Variants in POLR2J observed in about 807,000 individuals in gnomAD.
POLR2J encodes the protein RNA polymerase II subunit J.
A neutral mutation model predicts 13.4 loss-of-function variants in POLR2J; 12 were observed. The observed-to-expected ratio is 0.90, with a 90% CI of 0.57 to 1.45. The LOEUF (loss-of-function observed/expected upper bound fraction) is 1.45. Among genes scored for constraint, POLR2J ranks in the 40% most tolerant of loss-of-function variants. The pLI is 0.00. For synonymous variants in POLR2J, 31 were observed against 53.6 expected (o/e 0.58, Z 1.84); for missense variants, 58 against 132.0 (o/e 0.44, Z 2.75).
At chr7:102,476,480 G>C (rs1798436330) in intron 1 of POLR2J, among the ~76,000 whole-genome samples, 1 of 147,066 alleles carries the variant, frequency 6.8e-6, no homozygotes. Flanking sequence ...AAAATACAAA[G>C]AAAAAAAAAA....
intron 2 of POLR2J, among the ~76,000 whole-genome samples, chr7:102,475,161 C>A (rs531930503): frequency 3.9e-5 from 6 of 152,242 alleles, no homozygotes; most frequent in Non-Finnish European, 8.8e-5. Context: ...AGCTTGGGTG[C>A]CCCACTGGCT....
intron 1 of POLR2J, 39 bp downstream of exon 1, chr7:102,478,769 G>A (rs373768885): frequency 8.1e-6 from 13 of 1,608,990 alleles, no homozygotes; most frequent in African/African-American, 1.3e-5. Flanking sequence ...ACAGCCGCAG[G>A]CCCGCGCACC....
At chr7:102,476,787 CTTT>C (rs201298193) in intron 1 of POLR2J, among the ~76,000 whole-genome samples, 3 of 97,586 alleles carry the variant, frequency 3.1e-5, no homozygotes, top group South Asian at 8.2e-4. Flanking sequence ...TGAATTCCTC[CTTT>C]TTTTTTTCCG....
Position 102,473,354 on chromosome 7 carries a change from T to A in POLR2J, c.*295A>T. 1.8e-6 allele frequency: 1 copy of A among 565,462 alleles called. No individual in the cohort carries two copies. 35.0% of individuals were successfully genotyped at this position (565,462 alleles called of 1,614,324 possible). On this transcript the variant is annotated 3_prime_UTR_variant, in exon 4 of 4. Transcript: ENST00000292614. Reference sequence around the variant, plus strand: ...CCCGGATCTTTGGTCCAGAATGAATTCATCCCTGCCAGCCGGACGCCCCTG... The same window carrying A: ...CCCGGATCTTTGGTCCAGAATGAATACATCCCTGCCAGCCGGACGCCCCTG...
intron 2 of POLR2J, among the ~76,000 whole-genome samples, chr7:102,475,941 C>T (rs944876383): frequency 4.9e-5 from 5 of 101,448 alleles, no homozygotes; most frequent in African/African-American, 1.5e-4. Flanking sequence ...AACAAACAAA[C>T]AGTGAATGTA....
chr7:102,473,710 CTG>C (rs1563661052), intron 3 of POLR2J, 26 bp from the exon 4 acceptor site: 4 of 1,613,600 alleles, frequency 2.5e-6, no homozygotes, highest in Non-Finnish European at 3.4e-6. Context: ...GTGGTGGAGA[CTG>C]AGCTGGAACA....
At chr7:102,475,769 A>C (rs2133284432) in intron 2 of POLR2J, among the ~76,000 whole-genome samples, 1 of 151,356 alleles carries the variant, frequency 6.6e-6, no homozygotes, top group East Asian at 1.9e-4. Flanking sequence ...TAAAAACACA[A>C]AAATTAGCCG....
intron 2 of POLR2J, 62 bp from the exon 3 acceptor site, chr7:102,474,597 C>G: frequency 7.1e-7 from 1 of 1,401,484 alleles, no homozygotes; most frequent in East Asian, 2.3e-5. Context: ...TAGCAGCCAG[C>G]TCAGAGCAGA....
intron 2 of POLR2J, among the ~76,000 whole-genome samples, chr7:102,474,755 G>A (rs1223092170): frequency 4.3e-5 from 5 of 116,148 alleles, no homozygotes; most frequent in South Asian, 2.6e-4. Context: ...TGAAGGACCC[G>A]AGCTGGAAAC....
chr7:102,473,821 G>C, intron 3 of POLR2J, 137 bp from the exon 4 acceptor site: 2 of 1,471,236 alleles, frequency 1.4e-6, no homozygotes, highest in Non-Finnish European at 1.8e-6. Flanking sequence ...CAGTGGAGCA[G>C]CCAAAGGGCC....
Position 102,473,347 on chromosome 7 carries a change from A to G in POLR2J, c.*302T>C. On this transcript the variant is annotated 3_prime_UTR_variant, in exon 4 of 4. Transcript: ENST00000292614. ...CCTGGACCCCGGATCTTTGGTCCAG[A>G]ATGAATTCATCCCTGCCAGCCGGAC... The G allele has an allele frequency of 1.8e-6, 1 of 566,248 alleles. No homozygotes were observed. The highest frequency in any genetic ancestry group is 3.0e-6 in the Non-Finnish European group (1 of 329,274). The allele number at this position is 566,248 out of a possible 1,614,324, so 35.1% of individuals were successfully genotyped here.
intron 3 of POLR2J, 85 bp from the exon 4 acceptor site, chr7:102,473,769 A>AGGCCCTTCCTG: frequency 1.3e-6 from 2 of 1,582,630 alleles, no homozygotes; most frequent in Non-Finnish European, 8.6e-7. Flanking sequence ...CCCCCCCGCC[A>AGGCCCTTCCTG]GGCCCTTCCT....
intron 3 of POLR2J, 93 bp from the exon 4 acceptor site, chr7:102,473,777 C>A (rs955394731): frequency 8.9e-6 from 14 of 1,570,312 alleles, no homozygotes; most frequent in Non-Finnish European, 1.2e-5. Context: ...CCAGGCCCTT[C>A]CTGGAGGGCA....
chr7:102,475,512 A>T (rs1798402421), intron 2 of POLR2J, among the ~76,000 whole-genome samples: 1 of 152,192 alleles, frequency 6.6e-6, no homozygotes, highest in Non-Finnish European at 1.5e-5. Context: ...TGAGGTCACA[A>T]ACGGGTGGCA....
At chr7:102,475,214 C>T (rs1327384404) in intron 2 of POLR2J, among the ~76,000 whole-genome samples, 1 of 152,366 alleles carries the variant, frequency 6.6e-6, no homozygotes, top group Non-Finnish European at 1.5e-5. Flanking sequence ...CTGCCCACAC[C>T]AGGAGACTGG....
At chr7:102,475,596 C>G (rs1280916970) in intron 2 of POLR2J, among the ~76,000 whole-genome samples, 7 of 152,384 alleles carry the variant, frequency 4.6e-5, no homozygotes, top group African/African-American at 1.4e-4. Flanking sequence ...GTGCTGGAAT[C>G]TGCTGCTCGT....
At chr7:102,476,151 G>A (rs1035526118) in intron 2 of POLR2J, 30 bp downstream of exon 2, 1 of 856,742 alleles carries the variant, frequency 1.2e-6, no homozygotes, top group East Asian at 2.9e-5. Flanking sequence ...ATTAAACACA[G>A]CCCCTGAGAG....
At chr7:102,473,932 C>G in intron 3 of POLR2J, 3 of 1,434,850 alleles carry the variant, frequency 2.1e-6, no homozygotes, top group Admixed American at 2.9e-5. Flanking sequence ...CGTTGAAATC[C>G]CCCAAGCTGT....
intron 3 of POLR2J, 101 bp from the exon 4 acceptor site, chr7:102,473,785 G>A (rs1376012175): frequency 8.4e-6 from 13 of 1,550,590 alleles, no homozygotes; most frequent in Non-Finnish European, 1.1e-5. Flanking sequence ...TTCCTGGAGG[G>A]CAGCCATGGG....
Sources: allele counts gnomAD v4.1 joint callset (sites outside exome capture counted in the v4.1 genomes callset), GRCh38; gene constraint gnomAD v4.1.1; transcripts MANE v1.5; gene names NCBI Gene and HGNC (gene_info 2026-07-23, HGNC 2026-07-21).